Variants in SOX5 observed in about 807,000 individuals in gnomAD.
SOX5 encodes the protein SRY-box transcription factor 5.
SOX5 carries 9 observed loss-of-function variants against 92.0 expected under a neutral mutation model. The ratio of observed to expected loss-of-function variants is 0.10; its 90% CI spans 0.06 to 0.17. The LOEUF (loss-of-function observed/expected upper bound fraction) is 0.17, where lower values mean the gene tolerates loss of function less well. SOX5 is among the 10% of genes least tolerant of loss of function. SOX5 has a pLI of 1.00. For missense variants in SOX5, 642 were observed against 944.5 expected, an observed-to-expected ratio of 0.68 and a Z score of 4.20; for synonymous variants, 344 against 336.3, an observed-to-expected ratio of 1.02 and a Z score of -0.25.
intron 1 of SOX5, among the ~76,000 whole-genome samples, chr12:24,424,154 T>C (rs1210500715): frequency 6.6e-6 from 1 of 152,150 alleles, no homozygotes; most frequent in Non-Finnish European, 1.5e-5. Flanking sequence ...CTCCAAATTG[T>C]TTAGAAAAGG....
chr12:23,682,653 C>G (rs1261847308), intron 6 of SOX5, among the ~76,000 whole-genome samples: 1 of 151,740 alleles, frequency 6.6e-6, no homozygotes, highest in Non-Finnish European at 1.5e-5. Context: ...ATTAACATCA[C>G]ACACAAAGCT....
At chr12:24,444,079 T>C (rs1033814878) in intron 1 of SOX5, among the ~76,000 whole-genome samples, 8 of 152,162 alleles carry the variant, frequency 5.3e-5, no homozygotes, top group African/African-American at 1.7e-4. Context: ...ATTTTTTAAG[T>C]TTCTCTAAAC....
At chr12:24,204,057 T>C (rs1957786647) in intron 4 of SOX5, among the ~76,000 whole-genome samples, 1 of 152,106 alleles carries the variant, frequency 6.6e-6, no homozygotes, top group African/African-American at 2.4e-5. Flanking sequence ...TCCCATTCTC[T>C]CTATCCCCTT....
At chr12:23,795,265 A>C (rs1467364699) in intron 3 of SOX5, among the ~76,000 whole-genome samples, 1 of 149,712 alleles carries the variant, frequency 6.7e-6, no homozygotes, top group Non-Finnish European at 1.5e-5. Context: ...ATCTTTTACC[A>C]TTGACTTTTT....
In SOX5 at chr12:23,895,928, G is replaced by A. The variant is rs746966756; in HGVS notation, c.135C>T (p.Asp45=). Residue 45 remains aspartate (D), a synonymous_variant, in exon 2 of 15, where the codon GAC becomes GAT. Coordinates refer to ENST00000451604, the MANE Select transcript of SOX5 (RefSeq NM_006940.6). ...AGGGAAGGTGAAAGGCTGGGAGCCCGTCACTCTCCTCTTCTTCCACTTTCT... is the reference window on the plus strand; with the variant it reads ...AGGGAAGGTGAAAGGCTGGGAGCCCATCACTCTCCTCTTCTTCCACTTTCT... ...SRQKVEEEES[D]GLPAFHLPLH... 6.2e-6 allele frequency: 10 copies of A among 1,613,796 alleles called. No homozygotes were observed. Among genetic ancestry groups the A allele is most frequent in the South Asian group, 3.3e-5 (3 of 91,080 alleles).
At chr12:23,878,297 A>G (rs1487791138) in intron 2 of SOX5, among the ~76,000 whole-genome samples, 1 of 152,092 alleles carries the variant, frequency 6.6e-6, no homozygotes, top group Non-Finnish European at 1.5e-5. Context: ...CCATTTGTCA[A>G]AGAGAAACAG....
At chr12:23,537,320 C>G (rs892596881) in intron 13 of SOX5, among the ~76,000 whole-genome samples, 2 of 152,114 alleles carry the variant, frequency 1.3e-5, no homozygotes, top group African/African-American at 4.8e-5. Context: ...AAAGAGACAG[C>G]ATTTCTATCT....
At chr12:23,897,018 T>A (rs1418161282) in intron 1 of SOX5, among the ~76,000 whole-genome samples, 1 of 152,144 alleles carries the variant, frequency 6.6e-6, no homozygotes, top group Non-Finnish European at 1.5e-5. Context: ...ATTAAATTAT[T>A]CCCATAGAAA....
At position 24,167,665 on chromosome 12, in the gene SOX5, TTTTC is replaced by T. The variant is rs528964983; in HGVS notation, c.-2+45674_-2+45677del. On this transcript the variant is annotated intron_variant, in intron 4 of 4. Coordinates refer to the SOX5 transcript ENST00000446891. ...TAAATGAGTCTACAGAAGGTACACA[TTTTC>T]TTTGTTTTACTAAAAACAGCAACGT... 2.3e-4 allele frequency among the ~76,000 whole-genome samples: 35 copies of T among 152,376 alleles called. No homozygotes were observed. In the South Asian group the frequency reaches 6.0e-3, roughly 26 times the overall value.
chr12:24,360,609 G>A (rs1955435811), intron 2 of SOX5, among the ~76,000 whole-genome samples: 1 of 152,164 alleles, frequency 6.6e-6, no homozygotes, highest in South Asian at 2.1e-4. Flanking sequence ...GCAGCCTCGA[G>A]GTTTTTTGTC....
intron 11 of SOX5, among the ~76,000 whole-genome samples, chr12:23,554,325 G>A (rs371744179): frequency 1.3e-5 from 2 of 152,240 alleles, no homozygotes; most frequent in East Asian, 3.9e-4. Context: ...ACAGATTGTG[G>A]AGATGGTGAT....
chr12:23,572,873 T>C (rs1479261932), intron 10 of SOX5, among the ~76,000 whole-genome samples: 1 of 152,096 alleles, frequency 6.6e-6, no homozygotes, highest in Non-Finnish European at 1.5e-5. Flanking sequence ...AAAGCTTCAG[T>C]TTTCACTGTT....
intron 3 of SOX5, among the ~76,000 whole-genome samples, chr12:23,767,682 A>G (rs910591868): frequency 6.6e-6 from 1 of 152,182 alleles, no homozygotes; most frequent in African/African-American, 2.4e-5. Flanking sequence ...CATGTCTCAT[A>G]TCTAGTAACT....
intron 8 of SOX5, among the ~76,000 whole-genome samples, chr12:23,621,470 T>G (rs2077173142): frequency 6.6e-6 from 1 of 152,068 alleles, no homozygotes. Context: ...ATTTTACAAT[T>G]AAAAAAGTGC....
chr12:23,599,410 A>C (rs558619843), intron 9 of SOX5, among the ~76,000 whole-genome samples: 2 of 152,358 alleles, frequency 1.3e-5, no homozygotes, highest in African/African-American at 4.8e-5. Flanking sequence ...CGAAAAGAAC[A>C]AAAAATTGAT....
chr12:23,787,923 A>G (rs2095409597), intron 3 of SOX5, among the ~76,000 whole-genome samples: 1 of 149,240 alleles, frequency 6.7e-6, no homozygotes, highest in Non-Finnish European at 1.5e-5. Context: ...TAGACCCGAG[A>G]TGCTGCAGCA....
intron 3 of SOX5, among the ~76,000 whole-genome samples, chr12:23,787,903 T>G (rs1260986244): frequency 1.3e-5 from 2 of 151,770 alleles, no homozygotes; most frequent in African/African-American, 4.8e-5. Flanking sequence ...AGTGAGAAAG[T>G]GCTCCTGCTT....
chr12:24,186,092 AAGG>A (rs1687889633), intron 4 of SOX5, among the ~76,000 whole-genome samples: 1 of 152,246 alleles, frequency 6.6e-6, no homozygotes, highest in South Asian at 2.1e-4. Context: ...GATAATCAGA[AAGG>A]AGAATTTAAC....
intron 1 of SOX5, among the ~76,000 whole-genome samples, chr12:23,904,849 T>G (rs1464800033): frequency 1.3e-5 from 2 of 152,178 alleles, no homozygotes; most frequent in Non-Finnish European, 2.9e-5. Context: ...TCACCACCTT[T>G]TTGCTCTTCT....
Sources: allele counts gnomAD v4.1 joint callset (sites outside exome capture counted in the v4.1 genomes callset), GRCh38; gene constraint gnomAD v4.1.1; transcripts MANE v1.5; gene names NCBI Gene and HGNC (gene_info 2026-07-23, HGNC 2026-07-21).